The following ZDHHC5 variants were observed in gnomAD, a reference collection of about 807,000 sequenced individuals.
ZDHHC5 encodes zDHHC palmitoyltransferase 5.
ZDHHC5 carries 22 observed loss-of-function variants against 70.0 expected under a neutral mutation model. The observed-to-expected ratio is 0.31, with a 90% confidence interval of 0.22 to 0.45. The LOEUF is 0.45. Ranked by LOEUF, ZDHHC5 falls within the 20% of genes least tolerant of loss-of-function variation. ZDHHC5 has a pLI of 1.00. For missense variants in ZDHHC5, 746 were observed against 926.9 expected, an observed-to-expected ratio of 0.80 and a Z score of 2.53; for synonymous variants, 313 against 347.8, an observed-to-expected ratio of 0.90 and a Z score of 1.11.
Position 57,696,075 on chromosome 11 carries a change from A to G in ZDHHC5, c.1009+32A>G, listed in dbSNP as rs373313939. 11 of 1,596,616 alleles carry G rather than the reference A, an allele frequency of 6.9e-6. No individual in the cohort carries two copies. The African/African-American group carries it at 1.5e-4, about 21-fold the overall frequency. On this transcript the variant is annotated intron_variant, in intron 9 of 11. Coordinates refer to ENST00000287169, the MANE Select transcript of ZDHHC5 (RefSeq NM_015457.3). ...GCTGCCTTGATTTGCAAGATACTAG[A>G]ACTAGGGGCAGGATTGAGAAGGTTG...
chr11:57,698,144 CACACAA>C (rs903662753), intron 10 of ZDHHC5, among the ~76,000 whole-genome samples: 5 of 151,804 alleles, frequency 3.3e-5, no homozygotes, highest in South Asian at 2.1e-4. Flanking sequence ...CACACACACA[CACACAA>C]ACAAATGCCA....
In ZDHHC5 at chr11:57,699,331, G is replaced by A; in HGVS notation, c.1895G>A (p.Gly632Asp). 6.2e-7 allele frequency: 1 copy of A among 1,613,242 alleles called. No homozygotes were observed. The highest frequency in any genetic ancestry group is 8.5e-7 in the Non-Finnish European group (1 of 1,179,316). Residue 632 changes from glycine to aspartate, a missense_variant, in exon 11 of 12, where the codon GGC becomes GAC. Physicochemically the swap from Gly to Asp is moderately conservative, Grantham distance 94. Transcript: ENST00000287169. The part of the protein sequence containing the change: ...PEPGPTAPYL[G>D]RSMSYSSQKA... The stretch of plus-strand genomic sequence containing the variant: ...CCAGGCCCAACAGCCCCATACCTGG[G>A]CCGATCGATGTCTTACAGCAGCCAA...
chr11:57,671,686 T>C (rs1946008232), intron 1 of ZDHHC5, among the ~76,000 whole-genome samples: 2 of 152,262 alleles, frequency 1.3e-5, no homozygotes, highest in Admixed American at 6.5e-5. Flanking sequence ...AGGACTGCCC[T>C]TCACTGCTGT....
chr11:57,699,094 A>C lies in ZDHHC5; in HGVS notation c.1658A>C (p.Gln553Pro). ...CAGGAACGAGAGAAGTTGCTGCGCC[A>C]GTCACCCCCACTCCCGGGCCGTGAG... ...SLQEREKLLR[Q>P]SPPLPGREEE... is the part of the protein sequence containing the mutation. Residue 553 changes from glutamine to proline, a missense_variant, in exon 11 of 12, where the codon CAG (glutamine) becomes CCG (proline). Physicochemically the swap from Gln to Pro is moderately conservative, Grantham distance 76 (BLOSUM62 -1). Transcript: ENST00000287169. The C allele has an allele frequency of 1.2e-6, 2 of 1,613,794 alleles. No homozygotes were observed. Among genetic ancestry groups the C allele is most frequent in the Non-Finnish European group, 1.7e-6 (2 of 1,179,866 alleles).
At chr11:57,678,659 C>T (rs556322427) in intron 2 of ZDHHC5, among the ~76,000 whole-genome samples, 5 of 151,206 alleles carry the variant, frequency 3.3e-5, no homozygotes, top group East Asian at 3.9e-4. Flanking sequence ...GCGGGAGGAT[C>T]GCTGAGCCCA....
In ZDHHC5 at chr11:57,699,392, G is replaced by A; in HGVS notation, c.1956G>A (p.Val652=). The change falls in exon 11 of 12, where the codon GTG becomes GTA. Residue 652 remains valine, a synonymous_variant. Transcript: ENST00000287169. ...CTGGTGTCTCTGAGACAGAAGAAGT[G>A]GCCTTGCAGCCATTACTGACACCCA... ...AQPGVSETEE[V]ALQPLLTPKD... 6.3e-7 allele frequency: 1 copy of A among 1,584,890 alleles called. No homozygotes were observed. Among genetic ancestry groups the A allele is most frequent in the Non-Finnish European group, 8.6e-7 (1 of 1,165,220 alleles).
chr11:57,695,995 A>G lies in ZDHHC5; in HGVS notation c.961A>G (p.Ser321Gly). 1 of 1,614,132 alleles carries G rather than the reference A, an allele frequency of 6.2e-7. No homozygotes were observed. The highest frequency in any genetic ancestry group is 8.5e-7 in the Non-Finnish European group (1 of 1,180,026). ...EPPPPPKPDL[S>G]RYTGLRTHLG... ...TCCACCTCCTCCTAAGCCAGACCTGAGCCGTTACACAGGGTTGCGAACACA... is the reference window on the plus strand; with the variant it reads ...TCCACCTCCTCCTAAGCCAGACCTGGGCCGTTACACAGGGTTGCGAACACA... The change falls in exon 9 of 12, where the codon AGC becomes GGC. Residue 321 changes from serine to glycine, a missense_variant. Physicochemically the swap from Ser to Gly is moderately conservative, Grantham distance 56. Coordinates refer to ENST00000287169, the MANE Select transcript of ZDHHC5 (RefSeq NM_015457.3).
intron 3 of ZDHHC5, among the ~76,000 whole-genome samples, chr11:57,682,912 A>G (rs1159828299): frequency 6.6e-6 from 1 of 152,248 alleles, no homozygotes; most frequent in Non-Finnish European, 1.5e-5. Context: ...CAGTTATGAC[A>G]GTGTGATGCA....
At chr11:57,680,089 C>T (rs1783819) in intron 2 of ZDHHC5, among the ~76,000 whole-genome samples, 134,834 of 152,216 alleles carry the variant, frequency 0.89, 60,049 homozygotes, top group East Asian at 1. Flanking sequence ...GTTGCTTTGC[C>T]TAAAAATGAA....
rs753649128 is a variant in ZDHHC5 at position 57,696,019 on chromosome 11, C to T, written c.985C>T (p.His329Tyr). ...GAGCCGTTACACAGGGTTGCGAACACACCTCGGCTTGGCTACTAATGAGGG... is the reference window on the plus strand; with the variant it reads ...GAGCCGTTACACAGGGTTGCGAACATACCTCGGCTTGGCTACTAATGAGGG... The part of the protein sequence containing the change: ...DLSRYTGLRT[H>Y]LGLATNEDSS... Residue 329 changes from histidine to tyrosine, a missense_variant, in exon 9 of 12, where the codon CAC becomes TAC. This residue lies in a region of ZDHHC5 where 179 missense variants were observed against 178.4 expected (regional missense o/e 1.00). Coordinates refer to ENST00000287169, the MANE Select transcript of ZDHHC5 (RefSeq NM_015457.3). 1 of 1,613,592 alleles carries T rather than the reference C, an allele frequency of 6.2e-7. No individual in the cohort carries two copies. Among genetic ancestry groups the T allele is most frequent in the Non-Finnish European group, 8.5e-7 (1 of 1,179,902 alleles).
In ZDHHC5 at chr11:57,680,102, T is replaced by A. The variant is rs560486667; in HGVS notation, c.105-2320T>A. Among the ~76,000 whole-genome samples, 3 of 152,212 alleles carry A rather than the reference T, an allele frequency of 2.0e-5. No individual in the cohort carries two copies. In the South Asian group the frequency reaches 6.2e-4, roughly 32 times the overall value. On this transcript the variant is annotated intron_variant, in intron 2 of 11. Coordinates refer to ENST00000287169, the MANE Select transcript of ZDHHC5 (RefSeq NM_015457.3). ...GAGTTGCTTTGCCTAAAAATGAAACTGGCTGGGCATGGTGGCTCATGTCTG... is the reference window on the plus strand; with the variant it reads ...GAGTTGCTTTGCCTAAAAATGAAACAGGCTGGGCATGGTGGCTCATGTCTG...
intron 2 of ZDHHC5, among the ~76,000 whole-genome samples, chr11:57,676,342 T>C (rs1946070617): frequency 3.9e-5 from 6 of 152,210 alleles, no homozygotes; most frequent in Admixed American, 3.9e-4. Flanking sequence ...TTAATTCTTC[T>C]CTGTTTTCAC....
intron 3 of ZDHHC5, among the ~76,000 whole-genome samples, chr11:57,685,450 C>T (rs1946197315): frequency 6.6e-6 from 1 of 151,712 alleles, no homozygotes; most frequent in Admixed American, 6.6e-5. Context: ...AGTTCGAGAC[C>T]AGCCTGGCCA....
Position 57,701,154 on chromosome 11 carries a change from A to G in ZDHHC5, c.*1123A>G, listed in dbSNP as rs988108725. The stretch of plus-strand genomic sequence containing the variant: ...TATTCTGATTAGCCATTTTAAACCA[A>G]CGAGGAATAAAAAGAAATCCTGATC... On this transcript the variant is annotated 3_prime_UTR_variant, in exon 12 of 12. Coordinates refer to ENST00000287169, the MANE Select transcript of ZDHHC5 (RefSeq NM_015457.3). 1 of 152,498 alleles carries G rather than the reference A, an allele frequency of 6.6e-6. No homozygotes were observed. The highest frequency in any genetic ancestry group is 1.5e-5 in the Non-Finnish European group (1 of 68,018). 9.4% of individuals were successfully genotyped at this position (152,498 alleles called of 1,614,324 possible).
chr11:57,687,782 T>TA (rs1281011465), intron 3 of ZDHHC5, among the ~76,000 whole-genome samples: 1 of 109,880 alleles, frequency 9.1e-6, no homozygotes. Flanking sequence ...TTTTTTTTTT[T>TA]AAGATGAAGA....
In ZDHHC5 at chr11:57,696,629, C is replaced by T. The variant is rs142515520; in HGVS notation, c.1010-132C>T. The T allele has an allele frequency of 9.4e-4, 696 of 737,010 alleles. 5 individuals carry two copies. In the African/African-American group the frequency reaches 0.01, roughly 11 times the overall value. 45.7% of individuals were successfully genotyped at this position (737,010 alleles called of 1,614,324 possible). A position where few individuals can be genotyped will look rare whatever the true frequency, so the allele number is the denominator to read the frequency against. The stretch of plus-strand genomic sequence containing the variant: ...GCTACTCAGGAGGCTGAGGTGGGAG[C>T]CCAGGAGTTCAAGGCTCCAGTGAGC... On this transcript the variant is annotated intron_variant, in intron 9 of 11. Coordinates refer to ENST00000287169, the MANE Select transcript of ZDHHC5 (RefSeq NM_015457.3).
chr11:57,680,889 G>GA (rs1481379971), intron 2 of ZDHHC5, among the ~76,000 whole-genome samples: 1 of 152,196 alleles, frequency 6.6e-6, no homozygotes, highest in Non-Finnish European at 1.5e-5. Flanking sequence ...TTTCTTTGAG[G>GA]ATAGTATAGA....
chr11:57,675,309 C>G (rs1006236739), intron 2 of ZDHHC5, among the ~76,000 whole-genome samples: 7 of 152,204 alleles, frequency 4.6e-5, no homozygotes, highest in African/African-American at 1.7e-4. Context: ...ATAGAGCAAG[C>G]TGAATCCTTG....
chr11:57,682,305 G>A, intron 2 of ZDHHC5, 117 bp from the exon 3 acceptor site: 1 of 1,377,402 alleles, frequency 7.3e-7, no homozygotes, highest in Non-Finnish European at 9.6e-7. Flanking sequence ...GATGGCAAAG[G>A]TAAACCACAC....
Sources: allele counts gnomAD v4.1 joint callset (sites outside exome capture counted in the v4.1 genomes callset), GRCh38; gene constraint gnomAD v4.1.1; regional missense constraint gnomAD v4.1.1; transcripts MANE v1.5; gene names NCBI Gene and HGNC (gene_info 2026-07-23, HGNC 2026-07-21).